The following ZPBP variants were observed in gnomAD, a reference collection of about 807,000 sequenced individuals.
ZPBP encodes zona pellucida binding protein.
A neutral mutation model predicts 44.8 loss-of-function variants in ZPBP; 26 were observed. The observed-to-expected ratio is 0.58, with a 90% CI of 0.43 to 0.81. ZPBP has a LOEUF of 0.81. Ranked by LOEUF, ZPBP falls within the 30% of genes least tolerant of loss-of-function variation. The pLI, the probability that ZPBP is intolerant of heterozygous loss-of-function variation, is 0.00. For synonymous variants in ZPBP, 174 were observed against 153.2 expected, an observed-to-expected ratio of 1.14 and a Z score of -1.00; for missense variants, 409 against 434.0, an observed-to-expected ratio of 0.94 and a Z score of 0.51.
At chr7:49,937,700 AGT>A in intron 7 of ZPBP, 78 bp from the exon 8 acceptor site, 1 of 1,160,824 alleles carries the variant, frequency 8.6e-7, no homozygotes, top group Non-Finnish European at 1.3e-6. Context: ...AATTCTTTTA[AGT>A]GTATAGTTCA....
At position 49,919,360 on chromosome 7, in the gene ZPBP, T is replaced by A. The variant is rs146156209; in HGVS notation, n.411+16391A>T. 8.0e-4 allele frequency: 122 copies of A among 152,298 alleles called. 1 individual carries two copies. The highest frequency in any genetic ancestry group is 6.8e-3 in the Middle Eastern group (2 of 294). The allele number at this position is 152,298 out of a possible 1,614,324, so 9.4% of individuals were successfully genotyped here. ...ATGGCATCACATGCCATTTTGAACT[T>A]TTGCATTAAAGTCATAAACTTACAT... On this transcript the variant is annotated intron_variant and non_coding_transcript_variant, in intron 1 of 2. Coordinates refer to the ZPBP transcript ENST00000465922.
chr7:49,900,170 A>T (rs956567045), intron 2 of ZPBP, among the ~76,000 whole-genome samples: 2 of 151,534 alleles, frequency 1.3e-5, no homozygotes, highest in African/African-American at 4.8e-5. Context: ...TGTGGGATAT[A>T]GTGAAAGCAG....
At chr7:50,015,026 G>A (rs1798757830) in intron 6 of ZPBP, among the ~76,000 whole-genome samples, 1 of 152,072 alleles carries the variant, frequency 6.6e-6, no homozygotes, top group South Asian at 2.1e-4. Context: ...GTGCTTTTGT[G>A]AAAATACCAT....
intron 7 of ZPBP, among the ~76,000 whole-genome samples, chr7:49,959,562 AAATCT>A (rs1435133193): frequency 6.6e-6 from 1 of 152,178 alleles, no homozygotes; most frequent in Non-Finnish European, 1.5e-5. Context: ...GATTTGCTAG[AAATCT>A]GAAATGAAAA....
chr7:50,089,946 C>G (rs1322605540), intron 1 of ZPBP, among the ~76,000 whole-genome samples: 1 of 152,048 alleles, frequency 6.6e-6, no homozygotes, highest in East Asian at 1.9e-4. Context: ...TTAGAATAAT[C>G]TCTTCATTAT....
At chr7:50,022,419 T>C (rs888079169) in intron 5 of ZPBP, among the ~76,000 whole-genome samples, 2 of 152,030 alleles carry the variant, frequency 1.3e-5, no homozygotes, top group South Asian at 2.1e-4. Context: ...AGTTTTGGAA[T>C]ACTATTATAA....
chr7:49,983,419 T>C lies in ZPBP; in HGVS notation c.884A>G (p.Gln295Arg), dbSNP rs1797115160. ...AAAGCAGCGATTAATCCAAACCATT[T>C]GGAGAGTACCTTCAATATAGTATAT... ...PQIYYIEGTL[Q>R]MVWINRCFPG... Residue 295 changes from glutamine (Q) to arginine (R), a missense_variant, in exon 7 of 8, where the codon CAA becomes CGA. This residue lies in a region of ZPBP where 367 missense variants were observed against 363.1 expected (regional missense o/e 1.01). Transcript: ENST00000046087. The C allele has an allele frequency of 6.2e-7, 1 of 1,613,136 alleles. No homozygotes were observed. Among genetic ancestry groups the C allele is most frequent in the Non-Finnish European group, 8.5e-7 (1 of 1,179,448 alleles).
At chr7:49,845,683 A>G (rs1417792054), downstream of ZPBP, among the ~76,000 whole-genome samples, 2 of 152,220 alleles carry the variant, frequency 1.3e-5, no homozygotes. Context: ...GAAGCAAATT[A>G]TAATTCCTAA....
the ZPBP span, among the ~76,000 whole-genome samples, chr7:49,841,647 A>G: frequency 6.6e-6 from 1 of 152,174 alleles, no homozygotes. Context: ...TGTGGGACAC[A>G]CTCAGGGAGG....
chr7:49,861,090 T>A (rs1790634121), intron 2 of ZPBP, among the ~76,000 whole-genome samples: 1 of 152,270 alleles, frequency 6.6e-6, no homozygotes, highest in Non-Finnish European at 1.5e-5. Context: ...TGCACAGTTT[T>A]ACATTCCCAC....
intron 2 of ZPBP, among the ~76,000 whole-genome samples, chr7:50,087,759 A>C (rs1173252401): frequency 6.6e-6 from 1 of 152,060 alleles, no homozygotes; most frequent in Non-Finnish European, 1.5e-5. Context: ...ATAAAATATA[A>C]TTGAGGGAAA....
At chr7:50,063,473 CA>C (rs1414685878) in intron 3 of ZPBP, among the ~76,000 whole-genome samples, 1 of 152,158 alleles carries the variant, frequency 6.6e-6, no homozygotes, top group East Asian at 1.9e-4. Flanking sequence ...TCAGAATATA[CA>C]AACTCTATAG....
At chr7:49,993,380 TAGAA>T (rs754390227) in intron 6 of ZPBP, among the ~76,000 whole-genome samples, 7 of 151,550 alleles carry the variant, frequency 4.6e-5, no homozygotes, top group East Asian at 3.9e-4. Context: ...ATAGGAAAAA[TAGAA>T]AGAAATGACA....
chr7:50,015,718 C>A (rs1253937881), intron 6 of ZPBP, among the ~76,000 whole-genome samples: 1 of 151,716 alleles, frequency 6.6e-6, no homozygotes, highest in Non-Finnish European at 1.5e-5. Flanking sequence ...ATACAAACAA[C>A]CCCATTAACA....
intron 6 of ZPBP, among the ~76,000 whole-genome samples, chr7:50,017,700 T>C (rs562905416): frequency 6.6e-6 from 1 of 152,284 alleles, no homozygotes; most frequent in East Asian, 1.9e-4. Flanking sequence ...GTTTACAATG[T>C]GTTTATGGTC....
chr7:49,992,928 A>G (rs1797633238), intron 6 of ZPBP, among the ~76,000 whole-genome samples: 1 of 152,308 alleles, frequency 6.6e-6, no homozygotes, highest in East Asian at 1.9e-4. Flanking sequence ...TTCTGAAACA[A>G]TAACAAGTAG....
At chr7:49,888,918 A>G (rs530587786) in intron 2 of ZPBP, among the ~76,000 whole-genome samples, 11 of 152,100 alleles carry the variant, frequency 7.2e-5, no homozygotes, top group Non-Finnish European at 1.5e-4. Context: ...TCTCAAAAAA[A>G]ACAAAAACAA....
chr7:49,996,758 A>G (rs1427508021), intron 6 of ZPBP, among the ~76,000 whole-genome samples: 1 of 152,196 alleles, frequency 6.6e-6, no homozygotes, highest in Admixed American at 6.5e-5. Flanking sequence ...TCAAGTAGCA[A>G]TTTAGTAGGT....
At chr7:49,964,519 G>A (rs775541258) in intron 7 of ZPBP, among the ~76,000 whole-genome samples, 2 of 151,886 alleles carry the variant, frequency 1.3e-5, no homozygotes, top group African/African-American at 2.4e-5. Context: ...ATTTAAAATA[G>A]GGTAAAAAAT....
Sources: allele counts gnomAD v4.1 joint callset (sites outside exome capture counted in the v4.1 genomes callset), GRCh38; gene constraint gnomAD v4.1.1; regional missense constraint gnomAD v4.1.1; transcripts MANE v1.5; gene names NCBI Gene and HGNC (gene_info 2026-07-23, HGNC 2026-07-21).